TM9SF4: variants seen among roughly 807,000 people sequenced by gnomAD.
TM9SF4 encodes the protein transmembrane 9 superfamily member 4.
In TM9SF4, 26 loss-of-function variants were observed where a neutral mutation model predicts 90.4. That is an observed-to-expected ratio of 0.29 (90% CI 0.21 to 0.40). The LOEUF (loss-of-function observed/expected upper bound fraction) is 0.40. TM9SF4 is among the 10% of genes least tolerant of loss of function. TM9SF4 has a pLI of 1.00. For synonymous variants in TM9SF4, 293 were observed against 315.4 expected, an observed-to-expected ratio of 0.93 and a Z score of 0.75; for missense variants, 549 against 834.8, an observed-to-expected ratio of 0.66 and a Z score of 4.22.
intron 1 of TM9SF4, among the ~76,000 whole-genome samples, chr20:32,119,914 AT>A (rs2046280228): frequency 6.6e-6 from 1 of 152,160 alleles, no homozygotes; most frequent in Admixed American, 6.5e-5. Context: ...GAAAAGACTT[AT>A]GTTTCTCTAT....
chr20:32,160,190 G>C, intron 16 of TM9SF4, 79 bp downstream of exon 16: 1 of 1,594,318 alleles, frequency 6.3e-7, no homozygotes, highest in South Asian at 1.1e-5. Context: ...TCTGCGGAGA[G>C]GCTGGGTCTG....
chr20:32,162,903 G>C (rs2047038257), intron 17 of TM9SF4, among the ~76,000 whole-genome samples: 1 of 152,166 alleles, frequency 6.6e-6, no homozygotes, highest in South Asian at 2.1e-4. Flanking sequence ...CAAAAAGAAT[G>C]TATTTGCTTA....
intron 16 of TM9SF4, 76 bp from the exon 17 acceptor site, chr20:32,161,200 C>CCTCAAG: frequency 7.8e-7 from 1 of 1,282,068 alleles, no homozygotes; most frequent in Non-Finnish European, 1.1e-6. Context: ...GTCTTCAGCC[C>CCTCAAG]CTCAAGCAAC....
At chr20:32,126,470 G>C (rs568175745) in intron 1 of TM9SF4, among the ~76,000 whole-genome samples, 2 of 152,240 alleles carry the variant, frequency 1.3e-5, no homozygotes, top group African/African-American at 4.8e-5. Flanking sequence ...CCTCCCTTCA[G>C]GTTTCAGGGT....
At chr20:32,121,658 G>T (rs896575570) in intron 1 of TM9SF4, among the ~76,000 whole-genome samples, 1 of 152,010 alleles carries the variant, frequency 6.6e-6, no homozygotes, top group African/African-American at 2.4e-5. Context: ...CACCCCTCCC[G>T]CCTCTCCATT....
chr20:32,141,109 C>T (rs535346845), intron 3 of TM9SF4, among the ~76,000 whole-genome samples: 1 of 146,070 alleles, frequency 6.8e-6, no homozygotes, highest in Admixed American at 7.0e-5. Context: ...CCCAACTACT[C>T]GGGAGGCTGA....
At chr20:32,163,268 A>AATATAT (rs1186662308) in intron 17 of TM9SF4, among the ~76,000 whole-genome samples, 121 of 74,390 alleles carry the variant, frequency 1.6e-3, no homozygotes, top group African/African-American at 3.1e-3. Flanking sequence ...AAAAAAAAAA[A>AATATAT]ATATATATAT....
At chr20:32,122,465 C>G (rs1365197722) in intron 1 of TM9SF4, among the ~76,000 whole-genome samples, 1 of 149,680 alleles carries the variant, frequency 6.7e-6, no homozygotes, top group Non-Finnish European at 1.5e-5. Context: ...GGCTGCCGGG[C>G]GGAGGGTCTC....
Position 32,157,866 on chromosome 20 carries a change from T to G in TM9SF4, c.1402T>G (p.Tyr468Asp). The change falls in exon 14 of 18, where the codon TAC becomes GAC. Residue 468 changes from tyrosine (Y) to aspartate (D), a missense_variant. By Grantham distance (160) the Tyr-to-Asp change is radical. This residue lies in a region of TM9SF4 where 495 missense variants were observed against 711.7 expected (regional missense o/e 0.70). Coordinates refer to ENST00000398022, the MANE Select transcript of TM9SF4 (RefSeq NM_014742.4). ...GISLPLVYLGYYFGFRKQPYD... is the reference protein window; with the variant it reads ...GISLPLVYLGDYFGFRKQPYD... Reference sequence around the variant, plus strand: ...CTCCCTGCCCCTCGTCTACTTGGGCTACTACTTCGGCTTCCGAAAGCAGCC... The same window carrying G: ...CTCCCTGCCCCTCGTCTACTTGGGCGACTACTTCGGCTTCCGAAAGCAGCC... 1 of 1,614,156 alleles carries G rather than the reference T, an allele frequency of 6.2e-7. No individual in the cohort carries two copies. Among genetic ancestry groups the G allele is most frequent in the Non-Finnish European group, 8.5e-7 (1 of 1,180,026 alleles).
chr20:32,159,841 TG>T, intron 15 of TM9SF4, 150 bp from the exon 16 acceptor site: 1 of 1,102,456 alleles, frequency 9.1e-7, no homozygotes, highest in Non-Finnish European at 1.3e-6. Context: ...CCCCCTGCTC[TG>T]GGGAAGAGGG....
In TM9SF4 at chr20:32,150,830, G is replaced by A; in HGVS notation, c.1200G>A (p.Leu400=). ...TTGGCGGATTTTCTGCTGGCCGTCTGTACCGCACTTTAAAAGGCCATCGGT... is the reference window on the plus strand; with the variant it reads ...TTGGCGGATTTTCTGCTGGCCGTCTATACCGCACTTTAAAAGGCCATCGGT... ...GVFGGFSAGR[L]YRTLKGHRWK... Residue 400 remains leucine, a synonymous_variant, in exon 12 of 18, where the codon CTG becomes CTA. Coordinates refer to ENST00000398022, the MANE Select transcript of TM9SF4 (RefSeq NM_014742.4). The A allele has an allele frequency of 6.2e-7, 1 of 1,614,226 alleles. No individual in the cohort carries two copies. The highest frequency in any genetic ancestry group is 8.5e-7 in the Non-Finnish European group (1 of 1,180,038).
chr20:32,155,210 A>G (rs1161582193), intron 13 of TM9SF4, 24 bp downstream of exon 13: 1 of 1,596,368 alleles, frequency 6.3e-7, no homozygotes, highest in Non-Finnish European at 8.6e-7. Context: ...CTACCCTTCC[A>G]GCCCCTCCCC....
At chr20:32,159,939 G>C in intron 15 of TM9SF4, 53 bp from the exon 16 acceptor site, 1 of 1,611,708 alleles carries the variant, frequency 6.2e-7, no homozygotes, top group Non-Finnish European at 8.5e-7. Context: ...GGTGTGCCAG[G>C]GGAAGGGGAG....
intron 13 of TM9SF4, among the ~76,000 whole-genome samples, chr20:32,156,632 G>C (rs1409533053): frequency 6.6e-6 from 1 of 152,008 alleles, no homozygotes; most frequent in Non-Finnish European, 1.5e-5. Context: ...TTTGAGACAG[G>C]GTCTCACTCT....
chr20:32,123,885 TAGG>T (rs2046379933), intron 1 of TM9SF4, among the ~76,000 whole-genome samples: 2 of 50,390 alleles, frequency 4.0e-5, no homozygotes, highest in Non-Finnish European at 8.5e-5. Flanking sequence ...TTTAAAGAGA[TAGG>T]GTCTCCCTCT....
At position 32,155,170 on chromosome 20, in the gene TM9SF4, A is replaced by G; in HGVS notation, c.1313A>G (p.Lys438Arg). The G allele has an allele frequency of 6.2e-7, 1 of 1,614,140 alleles. No individual in the cohort carries two copies. Among genetic ancestry groups the G allele is most frequent in the Non-Finnish European group, 8.5e-7 (1 of 1,179,996 alleles). Residue 438 changes from lysine to arginine, a missense_variant, in exon 13 of 18, where the codon AAG (lysine) becomes AGG (arginine). By Grantham distance (26) the Lys-to-Arg change is conservative. This residue lies in a region of TM9SF4 where 495 missense variants were observed against 711.7 expected (regional missense o/e 0.70). Coordinates refer to ENST00000398022, the MANE Select transcript of TM9SF4 (RefSeq NM_014742.4). ...GTATTGAATTGCTTCATTTGGGGAA[A>G]GCACTCATCAGGAGCGGTAAGTGCC... ...CFVLNCFIWG[K>R]HSSGAVPFPT...
rs1355876084 is a variant in TM9SF4 at position 32,165,405 on chromosome 20, G to A, written c.1890G>A (p.Met630Ile). The change falls in exon 18 of 18, where the codon ATG (methionine) becomes ATA (isoleucine). Residue 630 changes from methionine (M) to isoleucine (I), a missense_variant. Met to Ile is a conservative substitution (Grantham distance 10, BLOSUM62 1). This residue lies in a region of TM9SF4 where 54 missense variants were observed against 123.1 expected (regional missense o/e 0.44). Coordinates refer to ENST00000398022, the MANE Select transcript of TM9SF4 (RefSeq NM_014742.4). ...CCATCGGCTTCTATGCAGCCTACAT[G>A]TTTGTTCGCAAGATCTATGCTGCTG... is the stretch of plus-strand genomic sequence containing the variant. ...TGTIGFYAAY[M>I]FVRKIYAAVK... 4 of 1,614,208 alleles carry A rather than the reference G, an allele frequency of 2.5e-6. No individual in the cohort carries two copies. The highest frequency in any genetic ancestry group is 3.4e-6 in the Non-Finnish European group (4 of 1,180,036).
intron 5 of TM9SF4, among the ~76,000 whole-genome samples, chr20:32,142,105 A>G (rs2046690310): frequency 6.6e-6 from 1 of 152,028 alleles, no homozygotes; most frequent in Non-Finnish European, 1.5e-5. Context: ...GTTAGGTTCC[A>G]TTTTTGTAAG....
chr20:32,128,888 G>A lies in TM9SF4; in HGVS notation c.16-4125G>A, dbSNP rs560300361. ...CTGAAGGCTTAGAAAGAAAAGGTGG[G>A]AGGTGCTGCTGGAAAGGCACTGGGG... On this transcript the variant is annotated intron_variant, in intron 1 of 17. Coordinates refer to ENST00000398022, the MANE Select transcript of TM9SF4 (RefSeq NM_014742.4). Among the ~76,000 whole-genome samples the A allele has an allele frequency of 8.6e-5, 13 of 151,938 alleles. No individual in the cohort carries two copies. In the South Asian group the frequency reaches 2.7e-3, roughly 32 times the overall value.
Sources: allele counts gnomAD v4.1 joint callset (sites outside exome capture counted in the v4.1 genomes callset), GRCh38; gene constraint gnomAD v4.1.1; regional missense constraint gnomAD v4.1.1; transcripts MANE v1.5; gene names NCBI Gene and HGNC (gene_info 2026-07-23, HGNC 2026-07-21).